Variants in FER1L6 observed in about 807,000 individuals in gnomAD.
The protein encoded by FER1L6 is fer-1-like protein 6.
In FER1L6, 177 loss-of-function variants were observed where a neutral mutation model predicts 219.2. The observed-to-expected ratio is 0.81, with a 90% CI of 0.71 to 0.91. The LOEUF (loss-of-function observed/expected upper bound fraction) is 0.91. Ranked by LOEUF, FER1L6 falls within the 40% of genes least tolerant of loss-of-function variation. The pLI is 0.00. For missense variants in FER1L6, 2,153 were observed against 2,259.9 expected (o/e 0.95, Z 0.96); for synonymous variants, 768 against 824.3 (o/e 0.93, Z 1.17).
chr8:124,022,840 G>T (rs1818514747), intron 17 of FER1L6, among the ~76,000 whole-genome samples: 1 of 152,192 alleles, frequency 6.6e-6, no homozygotes, highest in Non-Finnish European at 1.5e-5. Context: ...GGCTACCAAA[G>T]ATGCCAAATC....
chr8:123,855,681 A>ATGTG (rs368208328), intron 1 of FER1L6, among the ~76,000 whole-genome samples: 2,449 of 97,486 alleles, frequency 0.025, 58 homozygotes, highest in African/African-American at 0.077. Flanking sequence ...TGAAAACCAT[A>ATGTG]TGTGTGTGTG....
intron 13 of FER1L6, 108 bp from the exon 14 acceptor site, chr8:124,010,486 T>C (rs2130559419): frequency 7.4e-7 from 1 of 1,345,664 alleles, no homozygotes; most frequent in Admixed American, 2.3e-5. Context: ...AGTTTTTTCA[T>C]CATGCCTCCC....
intron 1 of FER1L6, among the ~76,000 whole-genome samples, chr8:123,941,556 T>C (rs1445181145): frequency 6.6e-6 from 1 of 152,206 alleles, no homozygotes; most frequent in African/African-American, 2.4e-5. Flanking sequence ...TCCTGTGCTG[T>C]GCCATCAATA....
chr8:124,035,774 G>A (rs1180322921), intron 19 of FER1L6, among the ~76,000 whole-genome samples: 2 of 152,204 alleles, frequency 1.3e-5, no homozygotes, highest in African/African-American at 4.8e-5. Flanking sequence ...ATGTCAATAT[G>A]TTCTTGTGCT....
At chr8:124,010,932 A>C (rs547268720) in intron 14 of FER1L6, among the ~76,000 whole-genome samples, 5 of 152,308 alleles carry the variant, frequency 3.3e-5, no homozygotes, top group African/African-American at 1.2e-4. Flanking sequence ...CCTGAATTCA[A>C]ATCCCTGCTC....
At chr8:124,086,561 G>A (rs918147870) in intron 33 of FER1L6, among the ~76,000 whole-genome samples, 4 of 151,514 alleles carry the variant, frequency 2.6e-5, no homozygotes, top group African/African-American at 9.7e-5. Context: ...GTCTTTAAAA[G>A]TTGTTGTAGT....
chr8:124,070,426 T>C (rs1821019162), intron 29 of FER1L6, 41 bp from the exon 30 acceptor site: 4 of 1,606,372 alleles, frequency 2.5e-6, no homozygotes, highest in Non-Finnish European at 3.4e-6. Context: ...AATCCTGGGC[T>C]TTCCTTCCTC....
intron 34 of FER1L6, among the ~76,000 whole-genome samples, chr8:124,092,023 T>A (rs901122648): frequency 1.3e-5 from 2 of 150,918 alleles, no homozygotes. Context: ...TGTGGAAAAG[T>A]AAGGAGAATA....
chr8:123,937,136 C>A (rs561726260), intron 1 of FER1L6, among the ~76,000 whole-genome samples: 1 of 152,082 alleles, frequency 6.6e-6, no homozygotes, highest in Non-Finnish European at 1.5e-5. Context: ...GAACTCCAGA[C>A]GTTAAGGTGG....
chr8:123,924,108 G>T (rs1281697106), intron 1 of FER1L6, among the ~76,000 whole-genome samples: 1 of 151,526 alleles, frequency 6.6e-6, no homozygotes, highest in Admixed American at 6.6e-5. Context: ...ATAGGTGGGT[G>T]CCTGTAGTCC....
chr8:124,073,087 C>T (rs1371675192), intron 31 of FER1L6, among the ~76,000 whole-genome samples: 1 of 152,040 alleles, frequency 6.6e-6, no homozygotes, highest in Non-Finnish European at 1.5e-5. Flanking sequence ...TCTTACAGAG[C>T]TATAGTTCTC....
At chr8:123,892,367 C>T (rs1031876848) in intron 1 of FER1L6, among the ~76,000 whole-genome samples, 7 of 152,102 alleles carry the variant, frequency 4.6e-5, no homozygotes, top group African/African-American at 1.7e-4. Flanking sequence ...TCTTGGCTCA[C>T]TGCAACTCCT....
Position 124,064,526 on chromosome 8 carries a change from G to A in FER1L6, c.3508G>A (p.Glu1170Lys), listed in dbSNP as rs1184916634. ...VPDSSPMLEP[E>K]HTPVAQEPPK... The stretch of plus-strand genomic sequence containing the variant: ...TGACTCATCCCCGATGCTGGAGCCT[G>A]AACACACACCTGTAGCCCAGGAGCC... Residue 1170 changes from glutamate to lysine, a missense_variant, in exon 26 of 41, where the codon GAA (glutamate) becomes AAA (lysine). Physicochemically the swap from Glu to Lys is moderately conservative, Grantham distance 56. Coordinates refer to ENST00000522917, the MANE Select transcript of FER1L6 (RefSeq NM_001039112.2). 4 of 1,613,508 alleles carry A rather than the reference G, an allele frequency of 2.5e-6. No individual in the cohort carries two copies. The highest frequency in any genetic ancestry group is 1.6e-4 in the Middle Eastern group (1 of 6,080).
intron 40 of FER1L6, 123 bp from the exon 41 acceptor site, chr8:124,119,484 C>A: frequency 1.4e-6 from 1 of 692,658 alleles, no homozygotes; most frequent in East Asian, 2.5e-5. Context: ...GCTCTTCTCC[C>A]ATTTTCAGGG....
intron 26 of FER1L6, among the ~76,000 whole-genome samples, chr8:124,066,103 T>C (rs1820818923): frequency 1.3e-5 from 2 of 152,232 alleles, no homozygotes; most frequent in African/African-American, 2.4e-5. Flanking sequence ...CATTGCATCA[T>C]GTAGTGTAGT....
Position 124,045,894 on chromosome 8 carries a change from A to T in FER1L6, c.2717A>T (p.Asp906Val). The T allele has an allele frequency of 2.5e-6, 4 of 1,613,848 alleles. No individual in the cohort carries two copies. The highest frequency in any genetic ancestry group is 2.5e-6 in the Non-Finnish European group (3 of 1,179,964). Residue 906 changes from aspartate to valine, a missense_variant, in exon 21 of 41, where the codon GAC (aspartate) becomes GTC (valine). By Grantham distance (152) the Asp-to-Val change is radical. Transcript: ENST00000522917. The part of the protein sequence containing the change: ...PLVVVELYDS[D>V]AVGKPEYLGA... The stretch of plus-strand genomic sequence containing the variant: ...GTGGTGGTGGAGCTGTATGACAGCG[A>T]CGCTGTGGTGAGTGTCCCCCTGGGC...
chr8:123,875,134 G>A (rs982568899), intron 1 of FER1L6, among the ~76,000 whole-genome samples: 1 of 152,162 alleles, frequency 6.6e-6, no homozygotes, highest in Non-Finnish European at 1.5e-5. Flanking sequence ...GGTGGAGGTT[G>A]CAGTGAGCCA....
chr8:123,933,271 C>A (rs1343296307), intron 1 of FER1L6, among the ~76,000 whole-genome samples: 1 of 152,184 alleles, frequency 6.6e-6, no homozygotes, highest in East Asian at 1.9e-4. Flanking sequence ...GTTGCCCAGA[C>A]CCTCCTCATC....
At chr8:123,992,957 C>A (rs948133544) in intron 12 of FER1L6, among the ~76,000 whole-genome samples, 1 of 152,092 alleles carries the variant, frequency 6.6e-6, no homozygotes, top group African/African-American at 2.4e-5. Context: ...CATTGTTAAA[C>A]CAAAAATCAT....
Sources: gnomAD v4.1 joint callset for allele counts (sites outside exome capture counted in the v4.1 genomes callset) on GRCh38, gnomAD v4.1.1 for gene constraint, MANE v1.5 for transcripts, NCBI Gene and HGNC (gene_info 2026-07-23, HGNC 2026-07-21) for gene names.